Variants in GSN observed in about 807,000 individuals in gnomAD.
The protein encoded by GSN is gelsolin, also known as actin-depolymerizing factor.
A neutral mutation model predicts 85.7 loss-of-function variants in GSN; 56 were observed. That is an observed-to-expected ratio of 0.65 (90% CI 0.53 to 0.82). GSN has a LOEUF of 0.82. GSN is among the 40% of genes least tolerant of loss of function. The pLI, the probability that GSN is intolerant of heterozygous loss-of-function variation, is 0.00. For synonymous variants in GSN, 373 were observed against 399.1 expected (o/e 0.93, Z 0.78); for missense variants, 857 against 979.8 (o/e 0.87, Z 1.67).
Position 121,326,617 on chromosome 9 carries a change from G to C in GSN, c.1522G>C (p.Ala508Pro), listed in dbSNP as rs1375261642. The C allele has an allele frequency of 6.2e-7, 1 of 1,601,818 alleles. No individual in the cohort carries two copies. Among genetic ancestry groups the C allele is most frequent in the Non-Finnish European group, 8.5e-7 (1 of 1,173,342 alleles). The change falls in exon 13 of 18, where the codon GCC becomes CCC. Residue 508 changes from alanine (A) to proline (P), a missense_variant. Transcript: ENST00000432226. ...CACCTCCCGCGAGGGCGGGCAGACAGCCCCTGCCAGCACCCGCCTCTTCCA... is the reference window on the plus strand; with the variant it reads ...CACCTCCCGCGAGGGCGGGCAGACACCCCCTGCCAGCACCCGCCTCTTCCA... ...GGTSREGGQTAPASTRLFQVR... is the reference protein window; with the variant it reads ...GGTSREGGQTPPASTRLFQVR...
chr9:121,280,361 GC>G (rs1229247350), intron 1 of GSN: 4 of 152,234 alleles, frequency 2.6e-5, no homozygotes, highest in Admixed American at 2.0e-4. Context: ...CACTGGCACT[GC>G]CATTTGCAGG....
rs1376840693 is a variant in GSN, at chr9:121,318,798, C to T, written c.1109C>T (p.Pro370Leu). 1 of 1,614,136 alleles carries T rather than the reference C, an allele frequency of 6.2e-7. No individual in the cohort carries two copies. Among genetic ancestry groups the T allele is most frequent in the South Asian group, 1.1e-5 (1 of 91,084 alleles). ...SSHIANVERV[P>L]FDAATLHTST... ...CATATCGCCAACGTGGAGCGGGTGCCCTTCGACGCCGCCACCCTGCACACC... is the reference window on the plus strand; with the variant it reads ...CATATCGCCAACGTGGAGCGGGTGCTCTTCGACGCCGCCACCCTGCACACC... The change falls in exon 10 of 18, where the codon CCC becomes CTC. Residue 370 changes from proline (P) to leucine (L), a missense_variant. Physicochemically the swap from Pro to Leu is moderately conservative, Grantham distance 98. Coordinates refer to ENST00000432226, the MANE Select transcript of GSN (RefSeq NM_198252.3). The surrounding 1 kb of genome is among the most constrained non-coding windows in gnomAD (Gnocchi z 4.3).
intron 6 of GSN, among the ~76,000 whole-genome samples, chr9:121,251,263 C>G (rs1040992490): frequency 1.6e-5 from 2 of 127,342 alleles, no homozygotes; most frequent in Non-Finnish European, 3.1e-5. Context: ...TTCACTGCAA[C>G]CTCCGTCTCC....
rs761824852 is a variant in GSN at position 121,302,942 on chromosome 9, G to A, written c.228G>A (p.Ala76=). ...AGTGCAGCCAGGATGAGAGCGGGGC[G>A]GCCGCCATCTTTACCGTGCAGCTGG... is the stretch of plus-strand genomic sequence containing the variant. The part of the protein sequence containing the change: ...GNECSQDESG[A]AAIFTVQLDD... The change falls in exon 4 of 18, where the codon GCG becomes GCA. Residue 76 remains alanine, a synonymous_variant. Transcript: ENST00000432226. The A allele has an allele frequency of 4.3e-6, 7 of 1,613,804 alleles. No homozygotes were observed. The highest frequency in any genetic ancestry group is 3.3e-5 in the Admixed American group (2 of 60,002).
At position 121,325,896 on chromosome 9, in the gene GSN, G is replaced by A. The variant is rs193108915; in HGVS notation, c.1417-616G>A. Among the ~76,000 whole-genome samples, 8 of 152,182 alleles carry A rather than the reference G, an allele frequency of 5.3e-5. No individual in the cohort carries two copies. In the East Asian group the frequency reaches 9.7e-4, roughly 18 times the overall value. On this transcript the variant is annotated intron_variant, in intron 12 of 17. Coordinates refer to ENST00000432226, the MANE Select transcript of GSN (RefSeq NM_198252.3). ...GTTGGGGTCTAAGCCCTAACTCAGC[G>A]GTGGTGGGTCGTGGTGGGAAGCGAC...
chr9:121,242,081 A>G (rs749564039), intron 5 of GSN, among the ~76,000 whole-genome samples: 2 of 152,198 alleles, frequency 1.3e-5, no homozygotes, highest in Non-Finnish European at 2.9e-5. Flanking sequence ...CTCTATTATT[A>G]TATCTATTAG....
intron 1 of GSN, among the ~76,000 whole-genome samples, chr9:121,278,731 T>A (rs2056972971): frequency 6.6e-6 from 1 of 152,222 alleles, no homozygotes; most frequent in Non-Finnish European, 1.5e-5. Context: ...CTAGAATCAG[T>A]GGTTTTGCTG....
Position 121,299,504 on chromosome 9 carries a change from T to C in GSN, c.-9-2459T>C. ...TTTCAAAAATTGTTAGTTCATGTTA[T>C]TTTTTTGCTGGAGGTGTTAGGTGCG... On this transcript the variant is annotated intron_variant, in intron 2 of 17. Coordinates refer to ENST00000432226, the MANE Select transcript of GSN (RefSeq NM_198252.3). This position sits in a 1 kb window ranked among gnomAD's most constrained non-coding sequence, Gnocchi z 4.2. 2.0e-6 allele frequency: 2 copies of C among 980,568 alleles called. No homozygotes were observed. Among genetic ancestry groups the C allele is most frequent in the Non-Finnish European group, 2.4e-6 (2 of 825,466 alleles). 60.7% of individuals were successfully genotyped at this position (980,568 alleles called of 1,614,324 possible).
intron 6 of GSN, 103 bp from the exon 7 acceptor site, chr9:121,313,831 C>T (rs1589083167): frequency 1.1e-6 from 1 of 896,224 alleles, no homozygotes; most frequent in Non-Finnish European, 1.9e-6. Flanking sequence ...TGGGGAGGGT[C>T]ACAGTGGATG....
chr9:121,267,147 C>T (rs919625969), upstream of GSN, among the ~76,000 whole-genome samples: 8 of 152,176 alleles, frequency 5.3e-5, no homozygotes, highest in Non-Finnish European at 1.0e-4. Context: ...TGAATCCTTC[C>T]AAACCGGAGT....
rs979893421 is a variant in GSN, at chr9:121,282,740, G to C, written c.-10+1178G>C. ...GCCGGGTCTTGGCTCTGATGCATCT[G>C]CCTTTGAGACTGAGCCCTGATAACT... On this transcript the variant is annotated intron_variant, in intron 2 of 17. Transcript: ENST00000432226. The C allele has an allele frequency of 6.3e-5, 26 of 409,596 alleles. No individual in the cohort carries two copies. The Admixed American group carries it at 1.1e-3, about 17-fold the overall frequency. The allele number at this position is 409,596 out of a possible 1,614,324, so 25.4% of individuals were successfully genotyped here. A position where few individuals can be genotyped will look rare whatever the true frequency, so the allele number is the denominator to read the frequency against.
chr9:121,206,973 T>C (rs138420562), upstream of GSN, among the ~76,000 whole-genome samples: 1 of 152,336 alleles, frequency 6.6e-6, no homozygotes, highest in African/African-American at 2.4e-5. Context: ...ACATGGAAAC[T>C]GAGACCTACT....
At chr9:121,215,028 C>T (rs567596728) in intron 4 of GSN, among the ~76,000 whole-genome samples, 12 of 152,292 alleles carry the variant, frequency 7.9e-5, no homozygotes, top group African/African-American at 2.9e-4. Flanking sequence ...GCTGTGCTCC[C>T]TCTGAGACTG....
chr9:121,254,814 C>A (rs2054916826), intron 6 of GSN, among the ~76,000 whole-genome samples: 1 of 152,170 alleles, frequency 6.6e-6, no homozygotes, highest in East Asian at 1.9e-4. Flanking sequence ...ACAGAAAAAT[C>A]TCCTTTTGCC....
chr9:121,208,686 C>T (rs1426531230), intron 1 of GSN, among the ~76,000 whole-genome samples: 1 of 152,178 alleles, frequency 6.6e-6, no homozygotes, highest in Admixed American at 6.5e-5. Context: ...TGCTGACATC[C>T]CATTGGTAGG....
At chr9:121,212,712 C>G (rs1412558229) in intron 4 of GSN, among the ~76,000 whole-genome samples, 1 of 150,078 alleles carries the variant, frequency 6.7e-6, no homozygotes, top group African/African-American at 2.5e-5. Flanking sequence ...GGTGTGATCT[C>G]TACTCACTGC....
intron 5 of GSN, among the ~76,000 whole-genome samples, chr9:121,243,151 C>T (rs1261403021): frequency 6.6e-6 from 1 of 152,198 alleles, no homozygotes; most frequent in Non-Finnish European, 1.5e-5. Flanking sequence ...GGAGAATCCA[C>T]TTCCCTGCCT....
upstream of GSN, among the ~76,000 whole-genome samples, chr9:121,204,405 T>C (rs911781290): frequency 6.6e-6 from 1 of 152,238 alleles, no homozygotes; most frequent in Non-Finnish European, 1.5e-5. Context: ...TGCTTTCCTA[T>C]GTGAAAGACA....
chr9:121,312,138 A>T (rs2061218234), intron 5 of GSN: 1 of 575,092 alleles, frequency 1.7e-6, no homozygotes, highest in South Asian at 2.2e-5. Context: ...GTCCTCAGAC[A>T]TGCGCTCCCA....
Sources: gnomAD v4.1 joint callset for allele counts (sites outside exome capture counted in the v4.1 genomes callset) on GRCh38, gnomAD v4.1.1 for gene constraint, Gnocchi (gnomAD v3.1) non-coding constraint, MANE v1.5 for transcripts, NCBI Gene and HGNC (gene_info 2026-07-23, HGNC 2026-07-21) for gene names.